PTPRE: variants seen among roughly 807,000 people sequenced by gnomAD.
PTPRE encodes the protein receptor-type tyrosine-protein phosphatase epsilon.
A neutral mutation model predicts 102.0 loss-of-function variants in PTPRE; 51 were observed. The observed-to-expected ratio is 0.50, with a 90% CI of 0.40 to 0.63. The LOEUF (loss-of-function observed/expected upper bound fraction) is 0.63. Among genes scored for constraint, PTPRE ranks in the 30% least tolerant of loss-of-function variants. PTPRE has a pLI of 0.00. For synonymous variants in PTPRE, 345 were observed against 348.2 expected (o/e 0.99, Z 0.10); for missense variants, 752 against 915.1 (o/e 0.82, Z 2.30).
intron 3 of PTPRE, among the ~76,000 whole-genome samples, chr10:128,043,444 C>T (rs1314934293): frequency 6.6e-6 from 1 of 152,170 alleles, no homozygotes; most frequent in Non-Finnish European, 1.5e-5. Context: ...CGGGGGGCGG[C>T]GCTCAGGCGA....
chr10:127,959,469 T>G (rs1035219563), intron 1 of PTPRE, among the ~76,000 whole-genome samples: 1 of 102,102 alleles, frequency 9.8e-6, no homozygotes, highest in Non-Finnish European at 2.3e-5. Context: ...TTTGTGGTTG[T>G]TTTTAATGTG....
chr10:127,982,193 G>A (rs1851687259), intron 1 of PTPRE, 81 bp from the exon 2 acceptor site: 4 of 908,994 alleles, frequency 4.4e-6, no homozygotes, highest in African/African-American at 1.8e-5. Flanking sequence ...GACTAGTGCT[G>A]TACAGAAGGA....
intron 1 of PTPRE, among the ~76,000 whole-genome samples, chr10:127,937,057 C>G (rs956665835): frequency 1.3e-5 from 2 of 152,112 alleles, no homozygotes; most frequent in Non-Finnish European, 2.9e-5. Context: ...AGTTCCATTC[C>G]CTGCAGATCT....
In PTPRE at chr10:128,060,031, A is replaced by T. The variant is rs548980242; in HGVS notation, c.512-908A>T. 2.7e-5 allele frequency among the ~76,000 whole-genome samples: 4 copies of T among 150,374 alleles called. No homozygotes were observed. In the South Asian group the frequency reaches 8.5e-4, roughly 32 times the overall value. On this transcript the variant is annotated intron_variant, in intron 7 of 20. Coordinates refer to ENST00000254667, the MANE Select transcript of PTPRE (RefSeq NM_006504.6). ...CACACACACCACACACTCCACACAA[A>T]CATATCACACACATACCACACACAT... is the stretch of plus-strand genomic sequence containing the variant.
Position 127,985,576 on chromosome 10 carries a change from C to A in PTPRE, c.-8+3280C>A, listed in dbSNP as rs576543756. On this transcript the variant is annotated intron_variant, in intron 2 of 20. Coordinates refer to ENST00000254667, the MANE Select transcript of PTPRE (RefSeq NM_006504.6). ...TCCAGCCTCCATGACAGAGTGAGACCCTGTCTCAAAAAATAAAAATAAAAA... is the reference window on the plus strand; with the variant it reads ...TCCAGCCTCCATGACAGAGTGAGACACTGTCTCAAAAAATAAAAATAAAAA... Among the ~76,000 whole-genome samples the A allele has an allele frequency of 8.6e-5, 13 of 151,622 alleles. No individual in the cohort carries two copies. In the East Asian group the frequency reaches 2.2e-3, roughly 25 times the overall value.
At chr10:128,015,923 A>G (rs1845386222) in intron 2 of PTPRE, among the ~76,000 whole-genome samples, 1 of 152,200 alleles carries the variant, frequency 6.6e-6, no homozygotes, top group Admixed American at 6.5e-5. Flanking sequence ...GAGAAAGCGG[A>G]TGGGCCTTGA....
At chr10:128,007,782 C>G (rs151153118) in intron 2 of PTPRE, among the ~76,000 whole-genome samples, 76 of 152,302 alleles carry the variant, frequency 5.0e-4, no homozygotes, top group African/African-American at 1.8e-3. Flanking sequence ...TCTCAGAGAG[C>G]TGCTTTGGGA....
intron 2 of PTPRE, among the ~76,000 whole-genome samples, chr10:128,037,957 A>ATTTTTTTTTTTTTTTTT (rs34089996): frequency 8.6e-6 from 1 of 115,956 alleles, no homozygotes. Flanking sequence ...TGTCCGGCTA[A>ATTTTTTTTTTTTTTTTT]TTTTTTTTTT....
intron 20 of PTPRE, among the ~76,000 whole-genome samples, chr10:128,080,688 C>T (rs1291975222): frequency 6.6e-6 from 1 of 152,216 alleles, no homozygotes; most frequent in Admixed American, 6.5e-5. Flanking sequence ...CTTGCCCCTC[C>T]ATGCTCCCTG....
At chr10:127,968,009 GGTGT>G (rs142445895) in intron 1 of PTPRE, among the ~76,000 whole-genome samples, 4,093 of 143,160 alleles carry the variant, frequency 0.029, 67 homozygotes, top group Middle Eastern at 0.036. Flanking sequence ...TTGCTCTATA[GGTGT>G]GTGTGTGTGT....
intron 2 of PTPRE, among the ~76,000 whole-genome samples, chr10:127,984,612 C>T (rs1030385670): frequency 6.6e-6 from 1 of 152,178 alleles, no homozygotes; most frequent in Non-Finnish European, 1.5e-5. Context: ...TTGAATTGTA[C>T]TCCCCTAATT....
At chr10:127,985,022 G>A (rs1474093683) in intron 2 of PTPRE, among the ~76,000 whole-genome samples, 1 of 152,210 alleles carries the variant, frequency 6.6e-6, no homozygotes, top group East Asian at 1.9e-4. Context: ...GGAACTTATT[G>A]CTCACTTGTG....
In PTPRE at chr10:128,079,612, C is replaced by A; in HGVS notation, c.1945C>A (p.Arg649=). Residue 649 remains arginine (R), a synonymous_variant, in exon 20 of 21, where the codon CGA becomes AGA. Transcript: ENST00000254667. ...TFIALSNILE[R]VKAEGLLDVF... is the part of the protein sequence containing the mutation. ...CATAGCCCTCAGCAACATTTTGGAG[C>A]GAGTAAAAGCCGAGGGACTTTTAGA... is the stretch of plus-strand genomic sequence containing the variant. 1.9e-6 allele frequency: 3 copies of A among 1,614,000 alleles called. No individual in the cohort carries two copies. The highest frequency in any genetic ancestry group is 2.5e-6 in the Non-Finnish European group (3 of 1,180,002).
intron 1 of PTPRE, among the ~76,000 whole-genome samples, chr10:127,955,692 T>C (rs1006344085): frequency 2.0e-5 from 3 of 152,222 alleles, no homozygotes; most frequent in Admixed American, 1.3e-4. Flanking sequence ...ATTATATTCA[T>C]CAGTTTTCAC....
chr10:128,078,921 G>A lies in PTPRE; in HGVS notation c.1893-639G>A, dbSNP rs532437472. Reference sequence around the variant, plus strand: ...TCCAGAAGACCTGCTGGAAGAGGCCGGTCCACCCCACCTCCTCCAGCCCAG... The same window carrying A: ...TCCAGAAGACCTGCTGGAAGAGGCCAGTCCACCCCACCTCCTCCAGCCCAG... On this transcript the variant is annotated intron_variant, in intron 19 of 20. Transcript: ENST00000254667. Among the ~76,000 whole-genome samples, 30 of 152,278 alleles carry A rather than the reference G, an allele frequency of 2.0e-4. No individual in the cohort carries two copies. In the South Asian group the frequency reaches 5.4e-3, roughly 27 times the overall value.
Position 127,930,546 on chromosome 10 carries a change from T to G in PTPRE, c.-31+23237T>G, listed in dbSNP as rs539393614. Reference sequence around the variant, plus strand: ...GGGGACATTTGGGTTGTCTTCAGTTTGAGGCACTTAATGAATAAAATGGCT... The same window carrying G: ...GGGGACATTTGGGTTGTCTTCAGTTGGAGGCACTTAATGAATAAAATGGCT... On this transcript the variant is annotated intron_variant, in intron 1 of 20. Transcript: ENST00000254667. Among the ~76,000 whole-genome samples, 5 of 152,334 alleles carry G rather than the reference T, an allele frequency of 3.3e-5. No individual in the cohort carries two copies. The South Asian group carries it at 8.3e-4, about 25-fold the overall frequency.
intron 1 of PTPRE, among the ~76,000 whole-genome samples, chr10:127,909,161 T>A (rs1345411408): frequency 1.3e-5 from 2 of 152,158 alleles, no homozygotes; most frequent in Non-Finnish European, 2.9e-5. Context: ...CACTGTGCCC[T>A]GATGGGAGCC....
chr10:127,915,583 A>G (rs1252701458), intron 1 of PTPRE, among the ~76,000 whole-genome samples: 1 of 152,228 alleles, frequency 6.6e-6, no homozygotes, highest in African/African-American at 2.4e-5. Flanking sequence ...TCTTTTGCGC[A>G]AAGTCCAGAT....
intron 2 of PTPRE, among the ~76,000 whole-genome samples, chr10:128,026,523 C>T (rs1353257937): frequency 6.6e-6 from 1 of 152,218 alleles, no homozygotes; most frequent in South Asian, 2.1e-4. Flanking sequence ...ACTGTGGACC[C>T]ATTCAGGTCC....
Sources: gnomAD v4.1 joint callset for allele counts (sites outside exome capture counted in the v4.1 genomes callset) on GRCh38, gnomAD v4.1.1 for gene constraint, MANE v1.5 for transcripts, NCBI Gene and HGNC (gene_info 2026-07-23, HGNC 2026-07-21) for gene names.